STK39: variants seen among roughly 807,000 people sequenced by gnomAD.
STK39 encodes STE20/SPS1-related proline-alanine-rich protein kinase.
In STK39, 20 loss-of-function variants were observed where a neutral mutation model predicts 77.8. That is an observed-to-expected ratio of 0.26 (90% CI 0.18 to 0.37). The LOEUF (loss-of-function observed/expected upper bound fraction) is 0.37, where lower values mean the gene tolerates loss of function less well. STK39 is among the 10% of genes least tolerant of loss of function. The pLI, the probability that STK39 is intolerant of heterozygous loss-of-function variation, is 1.00. For synonymous variants in STK39, 246 were observed against 234.1 expected (o/e 1.05, Z -0.47); for missense variants, 479 against 656.5 (o/e 0.73, Z 2.95).
chr2:168,076,003 G>C (rs1009627956), intron 10 of STK39, among the ~76,000 whole-genome samples: 1 of 151,272 alleles, frequency 6.6e-6, no homozygotes, highest in African/African-American at 2.4e-5. Context: ...GGTTGGAAAA[G>C]CAAAACTTTT....
intron 12 of STK39, among the ~76,000 whole-genome samples, chr2:168,074,707 C>T (rs141168628): frequency 2.6e-5 from 4 of 152,132 alleles, no homozygotes; most frequent in South Asian, 2.1e-4. Flanking sequence ...GTTTTGTGTA[C>T]GGGATTTTGC....
intron 10 of STK39, among the ~76,000 whole-genome samples, chr2:168,107,866 A>G (rs1409134134): frequency 1.3e-5 from 2 of 152,238 alleles, no homozygotes; most frequent in Admixed American, 1.3e-4. Context: ...TTGGGTAAAG[A>G]GCTCAAGAAT....
chr2:168,065,483 C>T (rs373485040), intron 12 of STK39, 102 bp from the exon 13 acceptor site: 65 of 1,236,108 alleles, frequency 5.3e-5, no homozygotes, highest in African/African-American at 3.6e-4. Context: ...AATTTCCAAA[C>T]GATCATAAAG....
chr2:168,241,756 T>C (rs1055732287), intron 1 of STK39, among the ~76,000 whole-genome samples: 2 of 152,250 alleles, frequency 1.3e-5, no homozygotes, highest in Non-Finnish European at 2.9e-5. Context: ...ATGAAGTCTA[T>C]AGAAGTTATG....
chr2:168,133,015 G>C (rs2105513644), intron 8 of STK39, among the ~76,000 whole-genome samples: 1 of 152,276 alleles, frequency 6.6e-6, no homozygotes, highest in African/African-American at 2.4e-5. Context: ...AAGACTTAAT[G>C]AAAATGAGAC....
At chr2:168,088,641 A>G (rs1437455186) in intron 10 of STK39, among the ~76,000 whole-genome samples, 1 of 152,206 alleles carries the variant, frequency 6.6e-6, no homozygotes, top group South Asian at 2.1e-4. Context: ...AGAGACCATC[A>G]AAATATAACA....
intron 1 of STK39, among the ~76,000 whole-genome samples, chr2:168,233,835 TAAGA>T (rs1690524242): frequency 6.6e-6 from 1 of 152,220 alleles, no homozygotes; most frequent in South Asian, 2.1e-4. Context: ...TGATCTTTTT[TAAGA>T]TATGACACAT....
At chr2:168,037,415 A>G (rs1684984908) in intron 14 of STK39, among the ~76,000 whole-genome samples, 1 of 152,228 alleles carries the variant, frequency 6.6e-6, no homozygotes, top group South Asian at 2.1e-4. Context: ...TAAGAGGGTT[A>G]TACCTACCCA....
At chr2:168,186,530 G>A (rs1294503734) in intron 1 of STK39, among the ~76,000 whole-genome samples, 1 of 152,186 alleles carries the variant, frequency 6.6e-6, no homozygotes, top group Non-Finnish European at 1.5e-5. Context: ...TCCCATCTTA[G>A]GTTAGTAGGA....
intron 16 of STK39, among the ~76,000 whole-genome samples, chr2:167,997,623 G>A (rs1274642235): frequency 1.3e-5 from 2 of 152,132 alleles, no homozygotes; most frequent in African/African-American, 4.8e-5. Flanking sequence ...TAAAACCTGT[G>A]TTCCTTCCCT....
intron 1 of STK39, among the ~76,000 whole-genome samples, chr2:168,214,668 CAT>C (rs1164677461): frequency 3.3e-5 from 5 of 152,086 alleles, no homozygotes; most frequent in Admixed American, 6.5e-5. Flanking sequence ...AAAATAATAA[CAT>C]GTTTTACAAG....
intron 14 of STK39, among the ~76,000 whole-genome samples, chr2:168,055,759 A>C (rs544280302): frequency 6.6e-6 from 1 of 152,272 alleles, no homozygotes; most frequent in Non-Finnish European, 1.5e-5. Flanking sequence ...CCTGATTCTA[A>C]TAAACATGTT....
Position 168,069,208 on chromosome 2 carries a change from G to A in STK39, c.1243-3827C>T, listed in dbSNP as rs1181615397. Among the ~76,000 whole-genome samples, 5 of 152,256 alleles carry A rather than the reference G, an allele frequency of 3.3e-5. No homozygotes were observed. The East Asian group carries it at 5.8e-4, about 18-fold the overall frequency. ...TGGGATTACAGGCATGAGCCACTGC[G>A]CCTGACCCACAGAAATAATTTTTAA... On this transcript the variant is annotated intron_variant, in intron 12 of 17. Transcript: ENST00000355999.
At chr2:168,224,467 T>C (rs564969841) in intron 1 of STK39, among the ~76,000 whole-genome samples, 37 of 152,056 alleles carry the variant, frequency 2.4e-4, no homozygotes, top group African/African-American at 8.9e-4. Flanking sequence ...CATTATTGCA[T>C]GAAATGAAAA....
chr2:167,976,959 T>A (rs760895405), intron 16 of STK39, among the ~76,000 whole-genome samples: 4 of 152,204 alleles, frequency 2.6e-5, no homozygotes, highest in Non-Finnish European at 4.4e-5. Context: ...TCTAGGAATG[T>A]TACAGGTACT....
chr2:168,002,331 T>G lies in STK39; in HGVS notation c.1498+10303A>C, dbSNP rs1345378407. Among the ~76,000 whole-genome samples, 35 of 152,256 alleles carry G rather than the reference T, an allele frequency of 2.3e-4. 1 individual carries two copies. The highest frequency in any genetic ancestry group is 1.8e-4 in the Non-Finnish European group (12 of 68,044). On this transcript the variant is annotated intron_variant, in intron 16 of 17. Transcript: ENST00000355999. ...GTCTTTGGGGAAATTACAGATGTTATTTTATGCTAGAACTTCTTGGAAATA... is the reference window on the plus strand; with the variant it reads ...GTCTTTGGGGAAATTACAGATGTTAGTTTATGCTAGAACTTCTTGGAAATA...
At chr2:168,157,357 A>G (rs531388077) in intron 5 of STK39, among the ~76,000 whole-genome samples, 1 of 152,306 alleles carries the variant, frequency 6.6e-6, no homozygotes, top group South Asian at 2.1e-4. Flanking sequence ...TTCGCTCAGT[A>G]CCAGTTTTTA....
intron 10 of STK39, among the ~76,000 whole-genome samples, chr2:168,082,822 GTTTGCCACCCCTAACCCA>G (rs1013770128): frequency 3.3e-5 from 5 of 152,122 alleles, no homozygotes; most frequent in Non-Finnish European, 5.9e-5. Flanking sequence ...TCAAAGTTGA[GTTTGCCACCCCTAACCCA>G]TTTGTTAATC....
intron 16 of STK39, among the ~76,000 whole-genome samples, chr2:167,991,730 C>T (rs1476656300): frequency 6.6e-6 from 1 of 152,110 alleles, no homozygotes; most frequent in Non-Finnish European, 1.5e-5. Context: ...TCACAGTTGG[C>T]GTGGAGTCAA....
Sources: gnomAD v4.1 joint callset for allele counts (sites outside exome capture counted in the v4.1 genomes callset) on GRCh38, gnomAD v4.1.1 for gene constraint, MANE v1.5 for transcripts, NCBI Gene and HGNC (gene_info 2026-07-23, HGNC 2026-07-21) for gene names.